Variants in HS3ST3A1 observed in about 807,000 individuals in gnomAD.
HS3ST3A1 encodes heparan sulfate-glucosamine 3-sulfotransferase 3A1.
In HS3ST3A1, 19 loss-of-function variants were observed where a neutral mutation model predicts 25.7. The ratio of observed to expected loss-of-function variants is 0.74; its 90% CI spans 0.52 to 1.08. The LOEUF (loss-of-function observed/expected upper bound fraction) is 1.08, where lower values mean the gene tolerates loss of function less well. Ranked by LOEUF, HS3ST3A1 falls within the 50% of genes least tolerant of loss-of-function variation. The pLI, the probability that HS3ST3A1 is intolerant of heterozygous loss-of-function variation, is 0.00. For missense variants in HS3ST3A1, 459 were observed against 594.3 expected (o/e 0.77, Z 2.37); for synonymous variants, 226 against 278.6 (o/e 0.81, Z 1.88).
chr17:13,588,297 C>A (rs1908330644), intron 1 of HS3ST3A1, among the ~76,000 whole-genome samples: 1 of 151,922 alleles, frequency 6.6e-6, no homozygotes, highest in Admixed American at 6.6e-5. Flanking sequence ...TGACACCTGG[C>A]CTAAGGGGTC....
intron 1 of HS3ST3A1, among the ~76,000 whole-genome samples, chr17:13,558,066 A>T (rs1907429387): frequency 6.6e-6 from 1 of 152,168 alleles, no homozygotes; most frequent in Admixed American, 6.5e-5. Flanking sequence ...AATATGTATG[A>T]CTCAGGAAAG....
chr17:13,503,879 TATGTTCACCAAAAGAC>T (rs1905571069), intron 1 of HS3ST3A1, among the ~76,000 whole-genome samples: 2 of 152,326 alleles, frequency 1.3e-5, no homozygotes, highest in South Asian at 4.1e-4. Context: ...AAATCATATA[TATGTTCACCAAAAGAC>T]ATGTTCACGA....
At chr17:13,509,866 C>G (rs1391278595) in intron 1 of HS3ST3A1, among the ~76,000 whole-genome samples, 3 of 152,212 alleles carry the variant, frequency 2.0e-5, no homozygotes, top group Non-Finnish European at 2.9e-5. Flanking sequence ...TCTGAGTCTT[C>G]TGATGCTTGG....
At chr17:13,543,239 C>A (rs1014078912) in intron 1 of HS3ST3A1, among the ~76,000 whole-genome samples, 2 of 152,108 alleles carry the variant, frequency 1.3e-5, no homozygotes, top group African/African-American at 2.4e-5. Context: ...CTAATCGCAA[C>A]AAGCATTTAA....
chr17:13,504,281 C>A (rs898041069), intron 1 of HS3ST3A1, among the ~76,000 whole-genome samples: 14 of 151,906 alleles, frequency 9.2e-5, no homozygotes, highest in African/African-American at 3.4e-4. Context: ...CACACCACTG[C>A]ACTCCAGTCT....
chr17:13,514,790 G>C (rs1905998486), intron 1 of HS3ST3A1, among the ~76,000 whole-genome samples: 1 of 152,184 alleles, frequency 6.6e-6, no homozygotes, highest in Non-Finnish European at 1.5e-5. Context: ...ATATTCAGAT[G>C]GTGGTGTTGG....
intron 1 of HS3ST3A1, among the ~76,000 whole-genome samples, chr17:13,561,460 C>T (rs141825602): frequency 2.0e-5 from 3 of 151,410 alleles, no homozygotes; most frequent in African/African-American, 7.3e-5. Context: ...AATCTTGACT[C>T]ACTGCAACCT....
At chr17:13,574,970 C>T (rs1047840242) in intron 1 of HS3ST3A1, among the ~76,000 whole-genome samples, 2 of 152,150 alleles carry the variant, frequency 1.3e-5, no homozygotes, top group African/African-American at 4.8e-5. Context: ...TGCCACCATC[C>T]TGTAATGCAT....
intron 1 of HS3ST3A1, among the ~76,000 whole-genome samples, chr17:13,552,466 A>C (rs746225163): frequency 3.9e-5 from 6 of 152,140 alleles, no homozygotes; most frequent in Middle Eastern, 3.2e-3. Context: ...ATACGATTCC[A>C]GTGTTGATCA....
intron 1 of HS3ST3A1, among the ~76,000 whole-genome samples, chr17:13,529,931 G>A (rs4792368): frequency 0.57 from 86,341 of 151,312 alleles, 25,041 homozygotes; most frequent in African/African-American, 0.69. Context: ...TGTAACAGAT[G>A]TTTAAGGAAA....
chr17:13,581,351 C>T (rs900300212), intron 1 of HS3ST3A1, among the ~76,000 whole-genome samples: 1 of 151,702 alleles, frequency 6.6e-6, no homozygotes, highest in African/African-American at 2.4e-5. Context: ...CCTGTAGTCC[C>T]AGCTACTCAG....
intron 1 of HS3ST3A1, among the ~76,000 whole-genome samples, chr17:13,505,646 C>CAA (rs546485312): frequency 7.2e-6 from 1 of 139,524 alleles, no homozygotes; most frequent in Non-Finnish European, 1.6e-5. Context: ...TAGACATCTT[C>CAA]AAAAAAAAAA....
At chr17:13,585,186 C>CTTTTTTTTTG (rs1908219734) in intron 1 of HS3ST3A1, among the ~76,000 whole-genome samples, 1 of 33,234 alleles carries the variant, frequency 3.0e-5, no homozygotes, top group African/African-American at 1.2e-4. Context: ...TTTTTCTGTG[C>CTTTTTTTTTG]TTTTTTTTTT....
chr17:13,497,636 C>T (rs1039183297), intron 1 of HS3ST3A1, among the ~76,000 whole-genome samples: 1 of 152,240 alleles, frequency 6.6e-6, no homozygotes, highest in Admixed American at 6.5e-5. Context: ...AGGCTTTCTA[C>T]TGGCCTCAGT....
At chr17:13,542,201 C>T (rs1906954910) in intron 1 of HS3ST3A1, among the ~76,000 whole-genome samples, 3 of 151,872 alleles carry the variant, frequency 2.0e-5, no homozygotes. Flanking sequence ...GTGGCGTGCA[C>T]CTGCAGTCCC....
At chr17:13,557,983 G>T (rs1019644633) in intron 1 of HS3ST3A1, among the ~76,000 whole-genome samples, 4 of 152,160 alleles carry the variant, frequency 2.6e-5, no homozygotes, top group African/African-American at 7.2e-5. Context: ...TAAAAGAAGT[G>T]GTCTAAGGCC....
Position 13,584,705 on chromosome 17 carries a change from C to T in HS3ST3A1, c.599+15826G>A, listed in dbSNP as rs116905507. On this transcript the variant is annotated intron_variant, in intron 1 of 1. Transcript: ENST00000284110. ...AAACCAGGGCATATAGGTGCAGTAA[C>T]CAGGAAAAAATACAGTAAGCACATT... Among the ~76,000 whole-genome samples the T allele has an allele frequency of 1.1e-3, 164 of 152,198 alleles. 4 individuals are homozygous for T. The East Asian group carries it at 0.029, about 27-fold the overall frequency.
intron 1 of HS3ST3A1, among the ~76,000 whole-genome samples, chr17:13,557,001 A>G (rs2142361581): frequency 6.6e-6 from 1 of 152,344 alleles, no homozygotes; most frequent in East Asian, 1.9e-4. Context: ...AGAATAGGCA[A>G]TAGGTTCGAC....
intron 1 of HS3ST3A1, among the ~76,000 whole-genome samples, chr17:13,588,172 C>A (rs887671868): frequency 1.3e-5 from 2 of 152,074 alleles, no homozygotes; most frequent in African/African-American, 4.8e-5. Flanking sequence ...TACATATCGT[C>A]TGTGGCTGCT....
Sources: gnomAD v4.1 joint callset for allele counts (sites outside exome capture counted in the v4.1 genomes callset) on GRCh38, gnomAD v4.1.1 for gene constraint, MANE v1.5 for transcripts, NCBI Gene and HGNC (gene_info 2026-07-23, HGNC 2026-07-21) for gene names.